OTUD7A: variants seen among roughly 807,000 people sequenced by gnomAD.
The protein encoded by OTUD7A is OTU deubiquitinase 7A.
A neutral mutation model predicts 65.7 loss-of-function variants in OTUD7A; 12 were observed. The observed-to-expected ratio is 0.18, with a 90% CI of 0.12 to 0.30. The LOEUF (loss-of-function observed/expected upper bound fraction) is 0.30. Among genes scored for constraint, OTUD7A ranks in the 10% least tolerant of loss-of-function variants. The pLI is 1.00. For missense variants in OTUD7A, 1,148 were observed against 1,304.8 expected (o/e 0.88, Z 1.85); for synonymous variants, 641 against 586.3 (o/e 1.09, Z -1.35).
At chr15:31,840,827 C>T (rs1897166237) in intron 1 of OTUD7A, among the ~76,000 whole-genome samples, 1 of 152,146 alleles carries the variant, frequency 6.6e-6, no homozygotes, top group Non-Finnish European at 1.5e-5. Flanking sequence ...TTGCTATCTA[C>T]CACGGAAAAG....
chr15:31,535,275 C>G (rs1486451403), intron 5 of OTUD7A, among the ~76,000 whole-genome samples: 1 of 152,094 alleles, frequency 6.6e-6, no homozygotes, highest in African/African-American at 2.4e-5. Flanking sequence ...CTCATGAGAT[C>G]TGATGGTTTT....
At position 31,478,867 on chromosome 15, in the gene OTUD7A, CCTCT is replaced by C. The variant is rs1306770998; in HGVS notation, c.*4423_*4426del. ...GGGCTCTCCCCATGGCGTGTGCTGG[CCTCT>C]CTATCGTGAACTACCCAGGACCCAC... is the stretch of plus-strand genomic sequence containing the variant. On this transcript the variant is annotated 3_prime_UTR_variant, in exon 13 of 13. Coordinates refer to ENST00000307050, the MANE Select transcript of OTUD7A (RefSeq NM_001382637.1). 5 of 152,284 alleles carry C rather than the reference CCTCT, an allele frequency of 3.3e-5. No homozygotes were observed. The highest frequency in any genetic ancestry group is 6.5e-5 in the Admixed American group (1 of 15,270). The allele number at this position is 152,284 out of a possible 1,614,324, so 9.4% of individuals were successfully genotyped here.
intron 4 of OTUD7A, among the ~76,000 whole-genome samples, chr15:31,563,298 G>A (rs750836306): frequency 6.6e-5 from 10 of 152,334 alleles, no homozygotes; most frequent in East Asian, 5.8e-4. Flanking sequence ...AGCCTTAACC[G>A]TGTGGTGTAG....
chr15:31,562,821 C>A (rs1328875858), intron 4 of OTUD7A, among the ~76,000 whole-genome samples: 1 of 152,132 alleles, frequency 6.6e-6, no homozygotes, highest in Non-Finnish European at 1.5e-5. Flanking sequence ...CATGAGTGAG[C>A]GTGGGGGTGT....
intron 1 of OTUD7A, among the ~76,000 whole-genome samples, chr15:31,762,364 C>T (rs902968252): frequency 1.3e-5 from 2 of 152,202 alleles, no homozygotes; most frequent in South Asian, 2.1e-4. Context: ...TTAACCTCCA[C>T]ACAGATAAAG....
intron 4 of OTUD7A, 38 bp from the exon 5 acceptor site, chr15:31,559,225 G>GCCCT: frequency 6.3e-7 from 1 of 1,575,816 alleles, no homozygotes; most frequent in Non-Finnish European, 8.7e-7. Flanking sequence ...CAAGGGCTGA[G>GCCCT]TGGGTGTAGG....
chr15:31,553,215 G>A (rs899573916), intron 5 of OTUD7A, among the ~76,000 whole-genome samples: 2 of 152,102 alleles, frequency 1.3e-5, no homozygotes, highest in African/African-American at 2.4e-5. Context: ...CCGCTGGTTC[G>A]CCCTGATTCC....
In OTUD7A at chr15:31,484,938, G is replaced by A. The variant is rs549303498; in HGVS notation, c.1372-214C>T. On this transcript the variant is annotated intron_variant, in intron 12 of 12. Coordinates refer to ENST00000307050, the MANE Select transcript of OTUD7A (RefSeq NM_001382637.1). The surrounding 1 kb of genome is among the most constrained non-coding windows in gnomAD (Gnocchi z 4.5). ...GCTCTGATCTGCTGCGGTAGTAAAA[G>A]GATGTAGGGACCTCTTAACTGCGTG... Among the ~76,000 whole-genome samples the A allele has an allele frequency of 2.0e-4, 31 of 152,356 alleles. No homozygotes were observed. Among genetic ancestry groups the A allele is most frequent in the Non-Finnish European group, 1.8e-4 (12 of 68,036 alleles).
At chr15:31,493,826 C>T (rs554289472) in intron 10 of OTUD7A, among the ~76,000 whole-genome samples, 5 of 149,396 alleles carry the variant, frequency 3.3e-5, no homozygotes, top group Admixed American at 6.7e-5. Context: ...AAATATAGCA[C>T]ATCAAAATTT....
chr15:31,676,781 T>C (rs1892604856), intron 1 of OTUD7A, among the ~76,000 whole-genome samples: 1 of 152,238 alleles, frequency 6.6e-6, no homozygotes, highest in African/African-American at 2.4e-5. Context: ...AGGACCACAT[T>C]ATAAAATTTA....
At chr15:31,758,566 G>A (rs925610270) in intron 1 of OTUD7A, among the ~76,000 whole-genome samples, 3 of 152,228 alleles carry the variant, frequency 2.0e-5, no homozygotes, top group African/African-American at 7.2e-5. Flanking sequence ...TCGAACCAGA[G>A]AGCAGACATG....
chr15:31,771,559 C>T (rs895419967), intron 1 of OTUD7A, among the ~76,000 whole-genome samples: 5 of 152,196 alleles, frequency 3.3e-5, no homozygotes, highest in South Asian at 2.1e-4. Context: ...ACGTCTACTA[C>T]ACCACTCTTC....
intron 3 of OTUD7A, among the ~76,000 whole-genome samples, chr15:31,646,510 G>T (rs1190861086): frequency 6.7e-6 from 1 of 150,224 alleles, no homozygotes; most frequent in Non-Finnish European, 1.5e-5. Flanking sequence ...GCCCAGGCTG[G>T]AGTACAATGG....
intron 1 of OTUD7A, among the ~76,000 whole-genome samples, chr15:31,727,280 C>T (rs776526893): frequency 1.1e-4 from 17 of 152,186 alleles, no homozygotes; most frequent in Non-Finnish European, 2.2e-4. Context: ...TATAAGGCTG[C>T]CTCTATTTTG....
chr15:31,513,490 C>T (rs1324840850), intron 8 of OTUD7A, among the ~76,000 whole-genome samples: 1 of 152,210 alleles, frequency 6.6e-6, no homozygotes, highest in African/African-American at 2.4e-5. Context: ...CTGCATTCAG[C>T]GGTGGCGTCT....
intron 3 of OTUD7A, among the ~76,000 whole-genome samples, chr15:31,593,809 T>C (rs113028236): frequency 1.8e-3 from 268 of 152,342 alleles, no homozygotes; most frequent in African/African-American, 6.2e-3. Context: ...AGTGGCTATA[T>C]TCATTTCTAC....
intron 1 of OTUD7A, among the ~76,000 whole-genome samples, chr15:31,785,246 T>C (rs1895642523): frequency 6.6e-6 from 1 of 152,244 alleles, no homozygotes; most frequent in Non-Finnish European, 1.5e-5. Context: ...CACTGACGCA[T>C]GTAAACCCTG....
At chr15:31,648,304 T>C (rs944953505) in intron 3 of OTUD7A, among the ~76,000 whole-genome samples, 4 of 152,142 alleles carry the variant, frequency 2.6e-5, no homozygotes, top group African/African-American at 9.7e-5. Flanking sequence ...GAAGAATAAC[T>C]TAAAACAATA....
intron 1 of OTUD7A, among the ~76,000 whole-genome samples, chr15:31,804,276 C>T (rs369696943): frequency 2.6e-5 from 4 of 152,258 alleles, no homozygotes; most frequent in African/African-American, 7.2e-5. Context: ...TTGCTACCAA[C>T]GTATGTCCAG....
Sources: allele counts gnomAD v4.1 joint callset (sites outside exome capture counted in the v4.1 genomes callset), GRCh38; gene constraint gnomAD v4.1.1; non-coding constraint Gnocchi (gnomAD v3.1); transcripts MANE v1.5; gene names NCBI Gene and HGNC (gene_info 2026-07-23, HGNC 2026-07-21).